CNTN5: variants seen among roughly 807,000 people sequenced by gnomAD.
The protein encoded by CNTN5 is contactin 5.
CNTN5 carries 77 observed loss-of-function variants against 129.1 expected under a neutral mutation model. The ratio of observed to expected loss-of-function variants is 0.60; its 90% CI spans 0.50 to 0.72. The LOEUF (loss-of-function observed/expected upper bound fraction) is 0.72, where lower values mean the gene tolerates loss of function less well. CNTN5 is among the 30% of genes least tolerant of loss of function. CNTN5 has a pLI of 0.00. For missense variants in CNTN5, 1,478 were observed against 1,328.8 expected (o/e 1.11, Z -1.75); for synonymous variants, 509 against 465.6 (o/e 1.09, Z -1.20).
At chr11:99,570,242 A>G (rs974615248) in intron 3 of CNTN5, among the ~76,000 whole-genome samples, 1 of 152,142 alleles carries the variant, frequency 6.6e-6, no homozygotes, top group Non-Finnish European at 1.5e-5. Context: ...TGCTGGCCCA[A>G]AGCTATTTTT....
chr11:100,228,700 C>T (rs1298514822), intron 16 of CNTN5, among the ~76,000 whole-genome samples: 2 of 152,134 alleles, frequency 1.3e-5, no homozygotes, highest in African/African-American at 4.8e-5. Context: ...GCACTGAAGT[C>T]GGCACTCAGA....
chr11:99,463,828 A>C (rs1944830642), intron 2 of CNTN5, among the ~76,000 whole-genome samples: 2 of 152,224 alleles, frequency 1.3e-5, no homozygotes, highest in Admixed American at 1.3e-4. Flanking sequence ...TAATCAAGGA[A>C]ATAATTTTAT....
At chr11:100,290,211 C>T (rs1464493983) in intron 18 of CNTN5, among the ~76,000 whole-genome samples, 1 of 151,494 alleles carries the variant, frequency 6.6e-6, no homozygotes, top group African/African-American at 2.4e-5. Context: ...AATGCCATCC[C>T]CATCAAGCTA....
intron 7 of CNTN5, among the ~76,000 whole-genome samples, chr11:99,955,431 T>TA (rs1950775982): frequency 6.6e-6 from 1 of 152,062 alleles, no homozygotes; most frequent in African/African-American, 2.4e-5. Context: ...ATGGTAACAG[T>TA]AAAAAACACT....
At chr11:100,202,872 T>C (rs1948815874) in intron 15 of CNTN5, among the ~76,000 whole-genome samples, 2 of 151,958 alleles carry the variant, frequency 1.3e-5, no homozygotes, top group South Asian at 2.1e-4. Context: ...CCATCATCAC[T>C]TGGGCTTCCT....
intron 2 of CNTN5, among the ~76,000 whole-genome samples, chr11:99,397,358 C>T (rs966211590): frequency 2.0e-5 from 3 of 151,740 alleles, no homozygotes; most frequent in Non-Finnish European, 4.4e-5. Context: ...TATGTAACTA[C>T]TCTTTTATTC....
intron 13 of CNTN5, among the ~76,000 whole-genome samples, chr11:100,175,894 AT>A (rs1341797174): frequency 6.6e-6 from 1 of 152,090 alleles, no homozygotes; most frequent in Non-Finnish European, 1.5e-5. Context: ...GGGCTCTCTT[AT>A]TTTTTTAAGA....
chr11:99,445,627 C>G (rs1486088864), intron 2 of CNTN5, among the ~76,000 whole-genome samples: 2 of 152,056 alleles, frequency 1.3e-5, no homozygotes, highest in African/African-American at 4.8e-5. Flanking sequence ...TTATTCTATC[C>G]TCAAAGAGTC....
chr11:99,040,063 A>G (rs1356137669), intron 1 of CNTN5, among the ~76,000 whole-genome samples: 1 of 152,178 alleles, frequency 6.6e-6, no homozygotes, highest in Non-Finnish European at 1.5e-5. Context: ...TACCTAGCAA[A>G]TATTTGCTCA....
At chr11:99,990,525 A>T (rs1368533724) in intron 8 of CNTN5, among the ~76,000 whole-genome samples, 1 of 151,214 alleles carries the variant, frequency 6.6e-6, no homozygotes, top group African/African-American at 2.4e-5. Context: ...TAATGATAAA[A>T]CTCTCTAGGT....
At chr11:100,069,760 TAAAG>T (rs372126572) in intron 10 of CNTN5, among the ~76,000 whole-genome samples, 34 of 152,268 alleles carry the variant, frequency 2.2e-4, no homozygotes, top group African/African-American at 6.3e-4. Context: ...AGAATATTTG[TAAAG>T]AAAGAGTCAG....
intron 1 of CNTN5, among the ~76,000 whole-genome samples, chr11:99,148,435 A>G (rs1254180263): frequency 6.6e-6 from 1 of 152,128 alleles, no homozygotes; most frequent in Admixed American, 6.6e-5. Context: ...TCTAATCAGC[A>G]AGGTGGGCAG....
At chr11:100,286,037 G>T (rs1018098911) in intron 18 of CNTN5, among the ~76,000 whole-genome samples, 1 of 152,152 alleles carries the variant, frequency 6.6e-6, no homozygotes, top group Non-Finnish European at 1.5e-5. Flanking sequence ...CTAATACTGC[G>T]CTTTTCCGAT....
intron 1 of CNTN5, among the ~76,000 whole-genome samples, chr11:99,101,839 G>A (rs779057814): frequency 6.6e-5 from 10 of 152,140 alleles, no homozygotes; most frequent in Non-Finnish European, 1.3e-4. Flanking sequence ...GCTGGAGGAC[G>A]GTGGCCCTTT....
chr11:99,630,204 A>C (rs913732939), intron 3 of CNTN5, among the ~76,000 whole-genome samples: 3 of 150,924 alleles, frequency 2.0e-5, no homozygotes, highest in Non-Finnish European at 2.9e-5. Flanking sequence ...TTTTAAGACA[A>C]ATTTCAAAAT....
chr11:99,662,212 A>G (rs1264541600), intron 3 of CNTN5, among the ~76,000 whole-genome samples: 1 of 152,204 alleles, frequency 6.6e-6, no homozygotes, highest in Non-Finnish European at 1.5e-5. Flanking sequence ...AATAGGAAAC[A>G]AAGTTGTTTT....
At chr11:100,130,398 T>A (rs1270630806) in intron 13 of CNTN5, among the ~76,000 whole-genome samples, 1 of 152,128 alleles carries the variant, frequency 6.6e-6, no homozygotes, top group African/African-American at 2.4e-5. Flanking sequence ...AATAAAGCTA[T>A]AACAGAACAG....
chr11:100,170,737 ATCTTT>A (rs1947797836), intron 13 of CNTN5, among the ~76,000 whole-genome samples: 1 of 151,922 alleles, frequency 6.6e-6, no homozygotes, highest in Non-Finnish European at 1.5e-5. Flanking sequence ...CAGAAATGGC[ATCTTT>A]TCTTTGCTCT....
intron 2 of CNTN5, among the ~76,000 whole-genome samples, chr11:99,338,240 C>T (rs1866326787): frequency 6.6e-6 from 1 of 152,176 alleles, no homozygotes; most frequent in South Asian, 2.1e-4. Context: ...ACTTATCTTT[C>T]CACCCAGCCT....
Sources: gnomAD v4.1 joint callset for allele counts (sites outside exome capture counted in the v4.1 genomes callset) on GRCh38, gnomAD v4.1.1 for gene constraint, MANE v1.5 for transcripts, NCBI Gene and HGNC (gene_info 2026-07-23, HGNC 2026-07-21) for gene names.